Variants in RSBN1L observed in about 807,000 individuals in gnomAD.
RSBN1L encodes the protein round spermatid basic protein 1 like.
In RSBN1L, 30 loss-of-function variants were observed where a neutral mutation model predicts 67.7. That is an observed-to-expected ratio of 0.44 (90% confidence interval 0.33 to 0.60). The LOEUF (loss-of-function observed/expected upper bound fraction) is 0.60, where lower values mean the gene tolerates loss of function less well. Ranked by LOEUF, RSBN1L falls within the 20% of genes least tolerant of loss-of-function variation. The pLI is 0.02. For missense variants in RSBN1L, 992 were observed against 1,031.7 expected, an observed-to-expected ratio of 0.96 and a Z score of 0.53; for synonymous variants, 433 against 387.0, an observed-to-expected ratio of 1.12 and a Z score of -1.39.
chr7:77,767,336 C>T (rs1314159163), intron 4 of RSBN1L, among the ~76,000 whole-genome samples: 6 of 151,224 alleles, frequency 4.0e-5, no homozygotes, highest in Admixed American at 4.0e-4. Flanking sequence ...TGGACAGTGG[C>T]CCTCAGTTTC....
At chr7:77,743,176 C>T (rs1286203985) in intron 2 of RSBN1L, among the ~76,000 whole-genome samples, 1 of 152,086 alleles carries the variant, frequency 6.6e-6, no homozygotes, top group Non-Finnish European at 1.5e-5. Context: ...GCCTCAGCCT[C>T]CTGAGTAGCT....
chr7:77,767,905 C>T (rs997620985), intron 4 of RSBN1L, among the ~76,000 whole-genome samples: 2 of 135,748 alleles, frequency 1.5e-5, no homozygotes, highest in African/African-American at 5.6e-5. Context: ...GGCTGGAGTG[C>T]AGTGGCGTGA....
At chr7:77,737,722 G>A (rs1791355609) in intron 2 of RSBN1L, among the ~76,000 whole-genome samples, 1 of 152,152 alleles carries the variant, frequency 6.6e-6, no homozygotes, top group Admixed American at 6.6e-5. Context: ...AGTGATGAAT[G>A]CTTGAAAAGT....
At chr7:77,741,721 T>TA (rs939027867) in intron 2 of RSBN1L, among the ~76,000 whole-genome samples, 19 of 151,754 alleles carry the variant, frequency 1.3e-4, no homozygotes, top group African/African-American at 4.1e-4. Flanking sequence ...AGAAAAGAAT[T>TA]ATAGATTTAA....
chr7:77,773,592 G>A (rs896707186), intron 6 of RSBN1L: 16 of 216,368 alleles, frequency 7.4e-5, no homozygotes, highest in East Asian at 1.9e-4. Flanking sequence ...GGGAAACCCC[G>A]TCTGTACTAA....
chr7:77,751,853 A>G (rs781148637), intron 3 of RSBN1L, among the ~76,000 whole-genome samples: 2 of 152,138 alleles, frequency 1.3e-5, no homozygotes, highest in African/African-American at 4.8e-5. Flanking sequence ...CCGGTTTTCT[A>G]TTGGGCCTCT....
chr7:77,760,013 T>A (rs999305286), intron 3 of RSBN1L, among the ~76,000 whole-genome samples: 1 of 152,186 alleles, frequency 6.6e-6, no homozygotes, highest in Non-Finnish European at 1.5e-5. Flanking sequence ...TTCTTTGGGG[T>A]TTTTTAAAAA....
chr7:77,768,760 A>T lies in RSBN1L; in HGVS notation c.1582A>T (p.Ile528Phe). The T allele has an allele frequency of 1.2e-6, 2 of 1,614,112 alleles. No individual in the cohort carries two copies. Among genetic ancestry groups the T allele is most frequent in the Non-Finnish European group, 1.7e-6 (2 of 1,179,984 alleles). ...GTGGGTTCGTCCAGGAGAACAAATGATCCCTGTGGCTGATATGCCAAAGTC... is the reference window on the plus strand; with the variant it reads ...GTGGGTTCGTCCAGGAGAACAAATGTTCCCTGTGGCTGATATGCCAAAGTC... ...IMWVRPGEQM[I>F]PVADMPKSPF... Residue 528 changes from isoleucine to phenylalanine, a missense_variant, in exon 5 of 8, where the codon ATC becomes TTC. Transcript: ENST00000334955.
intron 3 of RSBN1L, among the ~76,000 whole-genome samples, chr7:77,755,337 T>G (rs1350456205): frequency 6.6e-6 from 1 of 152,112 alleles, no homozygotes; most frequent in East Asian, 1.9e-4. Flanking sequence ...AACCTGTAAG[T>G]CAAAAATATT....
At chr7:77,744,483 T>C (rs1233425724) in intron 2 of RSBN1L, among the ~76,000 whole-genome samples, 1 of 151,930 alleles carries the variant, frequency 6.6e-6, no homozygotes, top group African/African-American at 2.4e-5. Flanking sequence ...GAGATAGACT[T>C]TTTTTTTGAG....
intron 1 of RSBN1L, among the ~76,000 whole-genome samples, chr7:77,705,503 T>G (rs548545108): frequency 1.4e-4 from 20 of 142,360 alleles, no homozygotes; most frequent in Non-Finnish European, 1.5e-4. Flanking sequence ...GTCTCTCCAT[T>G]GTAATGGTTT....
chr7:77,716,414 C>T (rs1791048528), intron 1 of RSBN1L, among the ~76,000 whole-genome samples: 1 of 148,544 alleles, frequency 6.7e-6, no homozygotes, highest in Non-Finnish European at 1.5e-5. Context: ...CAGCCTTGAA[C>T]TCTTGGGCTC....
intron 1 of RSBN1L, among the ~76,000 whole-genome samples, chr7:77,709,206 G>C (rs1485064195): frequency 6.6e-6 from 1 of 151,666 alleles, no homozygotes; most frequent in Admixed American, 6.6e-5. Context: ...GTATGTATGT[G>C]TATGTGTATG....
At position 77,696,479 on chromosome 7, in the gene RSBN1L, C is replaced by G. The variant is rs1790724419; in HGVS notation, c.10C>G (p.Pro4Ala). 1 of 1,606,042 alleles carries G rather than the reference C, an allele frequency of 6.2e-7. No individual in the cohort carries two copies. Among genetic ancestry groups the G allele is most frequent in the African/African-American group, 1.3e-5 (1 of 74,686 alleles). ...ACAACAGGAGCGCAAAATGGCGGAA[C>G]CGCCGAGCCCCGTGCACTGTGTCGC... MAE[P>A]PSPVHCVAAA... is the part of the protein sequence containing the mutation. The change falls in exon 1 of 8, where the codon CCG (proline) becomes GCG (alanine). Residue 4 changes from proline (P) to alanine (A), a missense_variant. Pro to Ala is a conservative substitution (Grantham distance 27). This residue lies in a region of RSBN1L where 575 missense variants were observed against 483.2 expected (regional missense o/e 1.19). Coordinates refer to ENST00000334955, the MANE Select transcript of RSBN1L (RefSeq NM_198467.3).
intron 2 of RSBN1L, among the ~76,000 whole-genome samples, chr7:77,742,020 T>C: frequency 6.6e-6 from 1 of 151,916 alleles, no homozygotes; most frequent in East Asian, 1.9e-4. Flanking sequence ...TGGTTGTACT[T>C]ATGGCTATGA....
chr7:77,707,455 C>T (rs1256103139), intron 1 of RSBN1L, among the ~76,000 whole-genome samples: 1 of 152,084 alleles, frequency 6.6e-6, no homozygotes, highest in African/African-American at 2.4e-5. Context: ...TTAATTTTAT[C>T]AGCCATCTTT....
intron 1 of RSBN1L, among the ~76,000 whole-genome samples, chr7:77,717,188 T>C (rs1333166441): frequency 6.6e-6 from 1 of 151,334 alleles, no homozygotes; most frequent in Non-Finnish European, 1.5e-5. Context: ...AGGAATCCTC[T>C]CTCCTTGACC....
intron 4 of RSBN1L, among the ~76,000 whole-genome samples, chr7:77,767,709 C>A (rs1171483127): frequency 7.0e-6 from 1 of 143,468 alleles, no homozygotes; most frequent in Non-Finnish European, 1.5e-5. Flanking sequence ...TTCCCCTTCA[C>A]CTCTGTCTCT....
intron 2 of RSBN1L, among the ~76,000 whole-genome samples, chr7:77,738,459 TA>T (rs1305441903): frequency 6.6e-6 from 1 of 152,288 alleles, no homozygotes; most frequent in East Asian, 1.9e-4. Context: ...TGGAAAAATT[TA>T]GGGAAAATGT....
Sources: allele counts gnomAD v4.1 joint callset (sites outside exome capture counted in the v4.1 genomes callset), GRCh38; gene constraint gnomAD v4.1.1; regional missense constraint gnomAD v4.1.1; transcripts MANE v1.5; gene names NCBI Gene and HGNC (gene_info 2026-07-23, HGNC 2026-07-21).